Variants in CA8 observed in about 807,000 individuals in gnomAD.
CA8 encodes carbonic anhydrase-related protein.
In CA8, 22 loss-of-function variants were observed where a neutral mutation model predicts 41.4. The observed-to-expected ratio is 0.53, with a 90% CI of 0.38 to 0.76. CA8 has a LOEUF of 0.76. Ranked by LOEUF, CA8 falls within the 30% of genes least tolerant of loss-of-function variation. The pLI is 0.00. For synonymous variants in CA8, 121 were observed against 130.6 expected (o/e 0.93, Z 0.50); for missense variants, 270 against 352.8 (o/e 0.77, Z 1.88).
intron 3 of CA8, among the ~76,000 whole-genome samples, chr8:60,252,670 T>C (rs1808494492): frequency 6.6e-6 from 1 of 152,184 alleles, no homozygotes; most frequent in South Asian, 2.1e-4. Context: ...AGGTTGAGCA[T>C]CCCAAATCCA....
At chr8:60,198,419 T>G (rs1390733332) in intron 8 of CA8, among the ~76,000 whole-genome samples, 3 of 152,144 alleles carry the variant, frequency 2.0e-5, no homozygotes, top group Non-Finnish European at 4.4e-5. Context: ...GGATAAATCA[T>G]AGAAGTTGGT....
intron 7 of CA8, among the ~76,000 whole-genome samples, chr8:60,222,011 T>C (rs867513359): frequency 1.3e-5 from 2 of 152,208 alleles, no homozygotes; most frequent in African/African-American, 4.8e-5. Context: ...AGACAGGAGA[T>C]ATTTAAAGCC....
intron 1 of CA8, 140 bp from the exon 2 acceptor site, chr8:60,280,020 A>AC: frequency 3.1e-6 from 2 of 650,860 alleles, no homozygotes; most frequent in Non-Finnish European, 2.5e-6. Flanking sequence ...GAAATATGGT[A>AC]ATTCTATTTG....
intron 8 of CA8, among the ~76,000 whole-genome samples, chr8:60,198,969 G>A (rs1806350638): frequency 6.6e-6 from 1 of 152,016 alleles, no homozygotes; most frequent in Non-Finnish European, 1.5e-5. Context: ...AACATTGGTT[G>A]TATCTATACT....
chr8:60,266,071 A>G (rs1803892469), intron 2 of CA8, 22 bp from the exon 3 acceptor site: 1 of 1,611,180 alleles, frequency 6.2e-7, no homozygotes, highest in African/African-American at 1.3e-5. Flanking sequence ...AATATATGTT[A>G]CCGAATTACA....
At position 60,186,210 on chromosome 8, in the gene CA8, G is replaced by T. The variant is rs542016064; in HGVS notation, c.*3811C>A. Among the ~76,000 whole-genome samples the T allele has an allele frequency of 3.3e-5, 5 of 152,044 alleles. No homozygotes were observed. Among genetic ancestry groups the T allele is most frequent in the African/African-American group, 1.2e-4 (5 of 41,518 alleles). Reference sequence around the variant, plus strand: ...TACAGGAAAAATATAACAATGTATTGTTGGGCTTACAGCATGTATAGATGT... The same window carrying T: ...TACAGGAAAAATATAACAATGTATTTTTGGGCTTACAGCATGTATAGATGT... On this transcript the variant is annotated 3_prime_UTR_variant, in exon 9 of 9. Transcript: ENST00000317995.
At chr8:60,243,006 C>A (rs1031606425) in intron 3 of CA8, among the ~76,000 whole-genome samples, 15 of 152,166 alleles carry the variant, frequency 9.9e-5, no homozygotes, top group Non-Finnish European at 1.2e-4. Context: ...CGCCATAGAG[C>A]CCCAATGTCA....
intron 3 of CA8, among the ~76,000 whole-genome samples, chr8:60,247,051 T>C (rs1042987100): frequency 6.6e-6 from 1 of 151,774 alleles, no homozygotes; most frequent in African/African-American, 2.4e-5. Flanking sequence ...ACCCAGCTAA[T>C]TTTTTGTATT....
At chr8:60,271,288 G>A (rs1804063293) in intron 2 of CA8, among the ~76,000 whole-genome samples, 1 of 151,822 alleles carries the variant, frequency 6.6e-6, no homozygotes, top group Admixed American at 6.6e-5. Flanking sequence ...GCTGCAGTGA[G>A]CTATGACTGT....
At chr8:60,254,688 T>C (rs1284326502) in intron 3 of CA8, among the ~76,000 whole-genome samples, 5 of 152,176 alleles carry the variant, frequency 3.3e-5, no homozygotes, top group Non-Finnish European at 7.4e-5. Context: ...AAGTGAATCA[T>C]CCATAAACCA....
intron 4 of CA8, among the ~76,000 whole-genome samples, chr8:60,228,546 G>T (rs552461089): frequency 1.3e-5 from 2 of 152,298 alleles, no homozygotes; most frequent in South Asian, 4.1e-4. Context: ...CTTTGCACTG[G>T]ACTGCCTGGA....
intron 4 of CA8, among the ~76,000 whole-genome samples, chr8:60,228,809 T>C (rs1212945221): frequency 6.6e-6 from 1 of 152,234 alleles, no homozygotes; most frequent in Non-Finnish European, 1.5e-5. Context: ...TTAACGACTA[T>C]TACTAGCTCC....
intron 5 of CA8, 82 bp downstream of exon 5, chr8:60,226,791 T>C (rs577130443): frequency 2.6e-6 from 2 of 774,566 alleles, no homozygotes; most frequent in East Asian, 2.6e-5. Context: ...TGAGTCCTTC[T>C]AACACAGCAT....
chr8:60,220,693 C>T (rs1004032867), intron 7 of CA8, among the ~76,000 whole-genome samples: 3 of 152,132 alleles, frequency 2.0e-5, no homozygotes, highest in Non-Finnish European at 2.9e-5. Context: ...TGAGCTATGG[C>T]GCCAGGAATT....
intron 4 of CA8, among the ~76,000 whole-genome samples, chr8:60,230,008 C>G (rs1807584785): frequency 6.6e-6 from 1 of 152,224 alleles, no homozygotes; most frequent in Non-Finnish European, 1.5e-5. Flanking sequence ...GGGGGTTTCC[C>G]TCAGTGACTG....
chr8:60,219,003 C>T (rs1395079659), intron 7 of CA8, among the ~76,000 whole-genome samples: 1 of 151,762 alleles, frequency 6.6e-6, no homozygotes, highest in East Asian at 1.9e-4. Context: ...GAGTGCATTG[C>T]ACGGGGTCCT....
chr8:60,204,927 C>T (rs1291574186), intron 8 of CA8, among the ~76,000 whole-genome samples: 1 of 152,160 alleles, frequency 6.6e-6, no homozygotes, highest in Non-Finnish European at 1.5e-5. Flanking sequence ...ATGCCTTACC[C>T]TCTTCTAACC....
chr8:60,240,793 A>G (rs961559153), intron 3 of CA8, among the ~76,000 whole-genome samples: 4 of 152,150 alleles, frequency 2.6e-5, no homozygotes, highest in Non-Finnish European at 5.9e-5. Flanking sequence ...CCAGAAGCCA[A>G]GTATCTCACC....
intron 7 of CA8, among the ~76,000 whole-genome samples, chr8:60,215,239 C>T (rs1160799052): frequency 6.6e-6 from 1 of 152,190 alleles, no homozygotes; most frequent in South Asian, 2.1e-4. Flanking sequence ...TTTCTAAACA[C>T]GACAATCCAG....
Sources: allele counts gnomAD v4.1 joint callset (sites outside exome capture counted in the v4.1 genomes callset), GRCh38; gene constraint gnomAD v4.1.1; transcripts MANE v1.5; gene names NCBI Gene and HGNC (gene_info 2026-07-23, HGNC 2026-07-21).